Variants in FLT1 observed in about 807,000 individuals in gnomAD.
The protein encoded by FLT1 is fms related receptor tyrosine kinase 1.
In FLT1, 49 loss-of-function variants were observed where a neutral mutation model predicts 156.3. The ratio of observed to expected loss-of-function variants is 0.31; its 90% confidence interval spans 0.25 to 0.40. The LOEUF is 0.40. Among genes scored for constraint, FLT1 ranks in the 10% least tolerant of loss-of-function variants. FLT1 has a pLI of 1.00. For missense variants in FLT1, 1,322 were observed against 1,637.2 expected (o/e 0.81, Z 3.32); for synonymous variants, 594 against 583.8 (o/e 1.02, Z -0.25).
intron 12 of FLT1, among the ~76,000 whole-genome samples, chr13:28,390,524 T>C (rs138813102): frequency 5.5e-4 from 84 of 152,138 alleles, no homozygotes; most frequent in African/African-American, 1.9e-3. Context: ...GCTTCTAGAG[T>C]AGCTGGAATT....
At chr13:28,365,698 G>C (rs550605671) in intron 14 of FLT1, among the ~76,000 whole-genome samples, 1 of 152,184 alleles carries the variant, frequency 6.6e-6, no homozygotes, top group Non-Finnish European at 1.5e-5. Context: ...TTCTGAGATA[G>C]TTTAATTGTA....
intron 17 of FLT1, among the ~76,000 whole-genome samples, chr13:28,336,770 C>T (rs1307191122): frequency 1.6e-5 from 2 of 126,188 alleles, no homozygotes; most frequent in Non-Finnish European, 3.2e-5. Flanking sequence ...TTTTTGGAGA[C>T]GGAGTCTCAC....
chr13:28,347,652 G>A (rs1872612083), intron 15 of FLT1, among the ~76,000 whole-genome samples: 1 of 152,238 alleles, frequency 6.6e-6, no homozygotes, highest in Non-Finnish European at 1.5e-5. Flanking sequence ...GCTGCAGGCA[G>A]TTGGAGCCAA....
At chr13:28,327,602 C>G in intron 19 of FLT1, 52 bp from the exon 20 acceptor site, 1 of 1,277,386 alleles carries the variant, frequency 7.8e-7, no homozygotes, top group Non-Finnish European at 1.1e-6. Context: ...GCCAGTCAGC[C>G]ATTTGCCAGC....
intron 14 of FLT1, among the ~76,000 whole-genome samples, chr13:28,361,973 A>G (rs1391739460): frequency 1.3e-5 from 2 of 152,206 alleles, no homozygotes; most frequent in Non-Finnish European, 2.9e-5. Context: ...CTGGACTGGA[A>G]TGAGGAAAGC....
intron 3 of FLT1, among the ~76,000 whole-genome samples, chr13:28,449,135 T>C (rs1450731706): frequency 6.6e-6 from 1 of 152,098 alleles, no homozygotes; most frequent in African/African-American, 2.4e-5. Flanking sequence ...TTTTAAAAAT[T>C]AGCTGGGCAT....
At chr13:28,325,994 G>A (rs966892194) in intron 20 of FLT1, among the ~76,000 whole-genome samples, 15 of 152,036 alleles carry the variant, frequency 9.9e-5, no homozygotes, top group African/African-American at 3.6e-4. Flanking sequence ...TGTGTGTGAA[G>A]ATTCTTGCCC....
At chr13:28,393,790 T>C (rs1012203229) in intron 12 of FLT1, among the ~76,000 whole-genome samples, 2 of 152,202 alleles carry the variant, frequency 1.3e-5, no homozygotes, top group African/African-American at 4.8e-5. Flanking sequence ...TTTTGCCATG[T>C]TTCCCAGGCT....
intron 6 of FLT1, among the ~76,000 whole-genome samples, chr13:28,431,744 T>TA (rs1179477887): frequency 6.6e-6 from 1 of 152,144 alleles, no homozygotes; most frequent in Non-Finnish European, 1.5e-5. Context: ...TAGGCATAGA[T>TA]ATCGCACACA....
chr13:28,409,620 C>G (rs1876025670), intron 10 of FLT1, among the ~76,000 whole-genome samples: 1 of 152,096 alleles, frequency 6.6e-6, no homozygotes, highest in Non-Finnish European at 1.5e-5. Context: ...CAGGTGTGAG[C>G]CAATGCTCCT....
chr13:28,340,704 A>G (rs1462895378), intron 16 of FLT1, among the ~76,000 whole-genome samples: 1 of 151,962 alleles, frequency 6.6e-6, no homozygotes, highest in African/African-American at 2.4e-5. Context: ...GCCCTTACTC[A>G]CTCTGTTCTG....
rs116741747 is a variant in FLT1, at chr13:28,385,486, C to T, written c.1970-455G>A. 3.7e-4 allele frequency: 368 copies of T among 1,007,276 alleles called. 1 individual carries two copies. In the African/African-American group the frequency reaches 5.5e-3, roughly 15 times the overall value. 62.4% of individuals were successfully genotyped at this position (1,007,276 alleles called of 1,614,324 possible). ...GTTTTGATTGATGTATTTGTGGGGG[C>T]GTGTTTGTGTTACTCAACTGTCAGT... On this transcript the variant is annotated intron_variant, in intron 13 of 29. Transcript: ENST00000282397.
intron 3 of FLT1, among the ~76,000 whole-genome samples, chr13:28,447,520 A>G (rs1878689618): frequency 6.6e-6 from 1 of 152,080 alleles, no homozygotes; most frequent in Non-Finnish European, 1.5e-5. Flanking sequence ...CCAGAGGTAA[A>G]TCTTCATGAT....
intron 3 of FLT1, among the ~76,000 whole-genome samples, chr13:28,457,294 C>T (rs1229424778): frequency 6.6e-6 from 1 of 152,194 alleles, no homozygotes; most frequent in Non-Finnish European, 1.5e-5. Flanking sequence ...CTTAGGATGG[C>T]ACCCAGCATG....
At chr13:28,311,546 T>G (rs1322095198) in intron 27 of FLT1, 44 bp downstream of exon 27, 2 of 1,529,152 alleles carry the variant, frequency 1.3e-6, no homozygotes, top group Middle Eastern at 2.2e-4. Flanking sequence ...TTCTTTTTTT[T>G]GTTGGAAAAT....
chr13:28,339,257 T>A lies in FLT1; in HGVS notation c.2399A>T (p.Asp800Val). Reference protein sequence around the residue: ...IKTDYLSIIMDPDEVPLDEQC... With the variant: ...IKTDYLSIIMVPDEVPLDEQC... ...CTCATCCAAAGGAACTTCATCTGGG[T>A]CCATTATAATTGATAGGTAGTCAGT... is the stretch of plus-strand genomic sequence containing the variant. Residue 800 changes from aspartate (D) to valine (V), a missense_variant, in exon 17 of 30, where the codon GAC becomes GTC. Asp to Val is a radical substitution (Grantham distance 152). Transcript: ENST00000282397. 2.5e-6 allele frequency: 4 copies of A among 1,613,706 alleles called. No individual in the cohort carries two copies. Among genetic ancestry groups the A allele is most frequent in the Non-Finnish European group, 3.4e-6 (4 of 1,179,682 alleles).
chr13:28,382,866 TA>T (rs1874135178), intron 14 of FLT1, among the ~76,000 whole-genome samples: 1 of 152,182 alleles, frequency 6.6e-6, no homozygotes, highest in South Asian at 2.1e-4. Flanking sequence ...CTGCTGAGTG[TA>T]AGGTCTCTCT....
intron 1 of FLT1, among the ~76,000 whole-genome samples, chr13:28,480,495 C>T (rs188220417): frequency 1.4e-4 from 21 of 152,268 alleles, no homozygotes; most frequent in African/African-American, 4.6e-4. Flanking sequence ...AGGTACCTCA[C>T]TCAGCCCAGG....
At chr13:28,355,279 T>C (rs1262868088) in intron 15 of FLT1, among the ~76,000 whole-genome samples, 1 of 152,210 alleles carries the variant, frequency 6.6e-6, no homozygotes, top group Admixed American at 6.5e-5. Context: ...GATACTACTA[T>C]TGACTTCTTT....
Sources: allele counts gnomAD v4.1 joint callset (sites outside exome capture counted in the v4.1 genomes callset), GRCh38; gene constraint gnomAD v4.1.1; transcripts MANE v1.5; gene names NCBI Gene and HGNC (gene_info 2026-07-23, HGNC 2026-07-21).